The following PRR16 variants were observed in gnomAD, a reference collection of about 807,000 sequenced individuals.
PRR16 encodes proline rich 16, also known as protein Largen.
A neutral mutation model predicts 18.2 loss-of-function variants in PRR16; 6 were observed. That is an observed-to-expected ratio of 0.33 (90% CI 0.18 to 0.65). The LOEUF is 0.65. PRR16 is among the 30% of genes least tolerant of loss of function. PRR16 has a pLI of 0.74. For missense variants in PRR16, 412 were observed against 376.6 expected, an observed-to-expected ratio of 1.09 and a Z score of -0.78; for synonymous variants, 151 against 147.8, an observed-to-expected ratio of 1.02 and a Z score of -0.16.
the PRR16 span, among the ~76,000 whole-genome samples, chr5:120,776,297 G>T: frequency 6.6e-6 from 1 of 152,000 alleles, no homozygotes; most frequent in Non-Finnish European, 1.5e-5. Context: ...TTATATTTCT[G>T]CTCAAAAATC....
intron 1 of PRR16, among the ~76,000 whole-genome samples, chr5:120,510,687 C>G (rs1457725257): frequency 6.6e-6 from 1 of 152,140 alleles, no homozygotes; most frequent in Non-Finnish European, 1.5e-5. Flanking sequence ...TAAATGACTT[C>G]TATTTACCAT....
At chr5:120,754,513 A>ATT in the PRR16 span, among the ~76,000 whole-genome samples, 2 of 71,188 alleles carry the variant, frequency 2.8e-5, no homozygotes, top group East Asian at 5.2e-4. Context: ...TATGTATATT[A>ATT]TATATTATAT....
chr5:120,775,869 A>T, the PRR16 span, among the ~76,000 whole-genome samples: 1 of 142,236 alleles, frequency 7.0e-6, no homozygotes, highest in South Asian at 2.2e-4. Flanking sequence ...GCTGGTCTCG[A>T]ACTCTTGACC....
chr5:120,511,101 A>T (rs1435396893), intron 1 of PRR16, among the ~76,000 whole-genome samples: 1 of 152,204 alleles, frequency 6.6e-6, no homozygotes, highest in African/African-American at 2.4e-5. Context: ...TCAGTGTATT[A>T]AATGTGTAAC....
At chr5:120,664,101 C>T (rs182304498) in intron 1 of PRR16, among the ~76,000 whole-genome samples, 1 of 151,992 alleles carries the variant, frequency 6.6e-6, no homozygotes, top group African/African-American at 2.4e-5. Flanking sequence ...GAGTTCGAGA[C>T]CAGCCTTACC....
At chr5:120,742,942 A>G in the PRR16 span, among the ~76,000 whole-genome samples, 7 of 152,232 alleles carry the variant, frequency 4.6e-5, no homozygotes, top group African/African-American at 1.2e-4. Flanking sequence ...TGCTTCCATC[A>G]TAACAGCTTG....
At chr5:120,498,310 G>GTT (rs1394322885) in intron 1 of PRR16, among the ~76,000 whole-genome samples, 2 of 148,022 alleles carry the variant, frequency 1.4e-5, no homozygotes, top group Non-Finnish European at 1.5e-5. Flanking sequence ...AAATACCTAT[G>GTT]TTATATATAT....
At chr5:120,500,121 G>A (rs1750397645) in intron 1 of PRR16, among the ~76,000 whole-genome samples, 3 of 152,126 alleles carry the variant, frequency 2.0e-5, no homozygotes, top group Admixed American at 1.3e-4. Context: ...TTTTGCTGGT[G>A]CACATGAGGG....
chr5:120,710,350 T>A, the PRR16 span, among the ~76,000 whole-genome samples: 1,108 of 152,236 alleles, frequency 7.3e-3, 11 homozygotes, highest in Non-Finnish European at 0.011. Context: ...ATCTCGAAGT[T>A]GTTTTTGGTT....
At chr5:120,507,057 T>C (rs1750669315) in intron 1 of PRR16, among the ~76,000 whole-genome samples, 1 of 152,122 alleles carries the variant, frequency 6.6e-6, no homozygotes, top group South Asian at 2.1e-4. Flanking sequence ...AATACCAGGC[T>C]AAAGAAATAC....
At chr5:120,477,884 A>G (rs964360291) in intron 1 of PRR16, among the ~76,000 whole-genome samples, 6 of 152,026 alleles carry the variant, frequency 3.9e-5, no homozygotes, top group Admixed American at 2.0e-4. Context: ...CGCTTACCTC[A>G]CTCAAACTTT....
At chr5:120,618,727 G>C (rs1034830991) in intron 1 of PRR16, among the ~76,000 whole-genome samples, 10 of 151,816 alleles carry the variant, frequency 6.6e-5, no homozygotes, top group Non-Finnish European at 1.2e-4. Flanking sequence ...TAAATACTTG[G>C]GATTCTTATT....
At chr5:120,465,052 CCTAT>C (rs1429717291) in intron 1 of PRR16, among the ~76,000 whole-genome samples, 2 of 152,138 alleles carry the variant, frequency 1.3e-5, no homozygotes, top group Admixed American at 6.5e-5. Context: ...AAGTCCGCTG[CCTAT>C]CTGTCAGCCT....
In PRR16 at chr5:120,677,446, G is replaced by A. The variant is rs1756834944; in HGVS notation, c.160-8508G>A. 2.0e-5 allele frequency among the ~76,000 whole-genome samples: 3 copies of A among 152,164 alleles called. No homozygotes were observed. The South Asian group carries it at 6.2e-4, about 31-fold the overall frequency. On this transcript the variant is annotated intron_variant, in intron 1 of 1. Transcript: ENST00000407149. Reference sequence around the variant, plus strand: ...CTCAGCTACTGAGAAAGGTCAAATAGTTAGGGGAAGGTAGTGTATTTACCG... The same window carrying A: ...CTCAGCTACTGAGAAAGGTCAAATAATTAGGGGAAGGTAGTGTATTTACCG...
At position 120,472,672 on chromosome 5, in the gene PRR16, A is replaced by C. The variant is rs578259485; in HGVS notation, c.159+8027A>C. Among the ~76,000 whole-genome samples, 10 of 152,260 alleles carry C rather than the reference A, an allele frequency of 6.6e-5. No individual in the cohort carries two copies. In the East Asian group the frequency reaches 1.9e-3, roughly 29 times the overall value. ...TCAGAATTAAAAGTCCTGGCCCTAC[A>C]AAAAGAAAAAAAAGAAATACTGATG... On this transcript the variant is annotated intron_variant, in intron 1 of 1. Transcript: ENST00000407149.
intron 1 of PRR16, among the ~76,000 whole-genome samples, chr5:120,582,395 A>G (rs938774494): frequency 1.3e-5 from 2 of 152,178 alleles, no homozygotes; most frequent in East Asian, 3.8e-4. Context: ...ACCTAATTCG[A>G]ACCATTATGC....
chr5:120,773,839 A>T, the PRR16 span, among the ~76,000 whole-genome samples: 1 of 152,160 alleles, frequency 6.6e-6, no homozygotes, highest in Admixed American at 6.6e-5. Context: ...ATAAAGGCAG[A>T]CTAAATGCAT....
intron 1 of PRR16, among the ~76,000 whole-genome samples, chr5:120,541,837 A>T (rs914162570): frequency 3.3e-5 from 5 of 152,134 alleles, no homozygotes; most frequent in African/African-American, 1.2e-4. Flanking sequence ...TCAACCAAAA[A>T]GACATTTCCT....
chr5:120,582,402 A>G (rs1753302628), intron 1 of PRR16, among the ~76,000 whole-genome samples: 1 of 152,176 alleles, frequency 6.6e-6, no homozygotes, highest in African/African-American at 2.4e-5. Context: ...TCGAACCATT[A>G]TGCAATATAC....
Sources: gnomAD v4.1 joint callset for allele counts (sites outside exome capture counted in the v4.1 genomes callset) on GRCh38, gnomAD v4.1.1 for gene constraint, MANE v1.5 for transcripts, NCBI Gene and HGNC (gene_info 2026-07-23, HGNC 2026-07-21) for gene names.